Variants in RIT2 observed in about 807,000 individuals in gnomAD.
The protein encoded by RIT2 is Ras like without CAAX 2.
RIT2 carries 24 observed loss-of-function variants against 23.7 expected under a neutral mutation model. That is an observed-to-expected ratio of 1.01 (90% CI 0.73 to 1.43). The LOEUF is 1.43. Among genes scored for constraint, RIT2 ranks in the 40% most tolerant of loss-of-function variants. The pLI is 0.00. For synonymous variants in RIT2, 107 were observed against 91.1 expected, an observed-to-expected ratio of 1.17 and a Z score of -0.99; for missense variants, 236 against 266.9, an observed-to-expected ratio of 0.88 and a Z score of 0.81.
chr18:42,767,224 C>A (rs1913445291), intron 4 of RIT2, among the ~76,000 whole-genome samples: 1 of 152,184 alleles, frequency 6.6e-6, no homozygotes, highest in South Asian at 2.1e-4. Context: ...TCAACACCAG[C>A]CCATGAAAGA....
intron 2 of RIT2, among the ~76,000 whole-genome samples, chr18:42,978,811 A>AGAT (rs1910531074): frequency 6.6e-6 from 1 of 152,156 alleles, no homozygotes; most frequent in Non-Finnish European, 1.5e-5. Context: ...ACCTATATTA[A>AGAT]AGCCTCAAAT....
intron 2 of RIT2, among the ~76,000 whole-genome samples, chr18:43,012,640 A>G: frequency 6.6e-6 from 1 of 151,492 alleles, no homozygotes; most frequent in Non-Finnish European, 1.5e-5. Flanking sequence ...ATCTAAATAT[A>G]TGTATTATAT....
chr18:42,918,384 A>T (rs987863379), intron 4 of RIT2, among the ~76,000 whole-genome samples: 3 of 152,148 alleles, frequency 2.0e-5, no homozygotes, highest in Non-Finnish European at 2.9e-5. Flanking sequence ...TAATTTAATT[A>T]AATAACATAT....
chr18:43,110,128 C>T lies in RIT2; in HGVS notation c.103+5289G>A, dbSNP rs187716580. ...ATGTTATTTTTACCCCAATTTTATG[C>T]GATAATATCTTATTTTGCAAAATAT... On this transcript the variant is annotated intron_variant, in intron 1 of 4. Transcript: ENST00000326695. 3.1e-3 allele frequency among the ~76,000 whole-genome samples: 476 copies of T among 151,792 alleles called. 1 individual carries two copies. Among genetic ancestry groups the T allele is most frequent in the Middle Eastern group, 0.02 (6 of 294 alleles).
In RIT2 at chr18:43,115,628, G is replaced by A; in HGVS notation, c.-109C>T. 6.9e-7 allele frequency: 1 copy of A among 1,445,436 alleles called. No homozygotes were observed. The highest frequency in any genetic ancestry group is 9.1e-7 in the Non-Finnish European group (1 of 1,099,218). 89.5% of individuals were successfully genotyped at this position (1,445,436 alleles called of 1,614,324 possible). On this transcript the variant is annotated 5_prime_UTR_variant, in exon 1 of 5. Coordinates refer to ENST00000326695, the MANE Select transcript of RIT2 (RefSeq NM_002930.4). ...TGTGTCAAAGCAAAGGTTTTAGTAC[G>A]AGGTAAGAACCATCAGCGTCGGGCT... is the stretch of plus-strand genomic sequence containing the variant.
chr18:42,755,601 A>G (rs1405953757), intron 4 of RIT2, among the ~76,000 whole-genome samples: 1 of 152,118 alleles, frequency 6.6e-6, no homozygotes, highest in Non-Finnish European at 1.5e-5. Flanking sequence ...TGTATTTTTC[A>G]TCACCCATCA....
intron 3 of RIT2, among the ~76,000 whole-genome samples, chr18:42,945,188 A>G (rs535092079): frequency 6.6e-6 from 1 of 152,198 alleles, no homozygotes; most frequent in Non-Finnish European, 1.5e-5. Context: ...GATAACTTTA[A>G]TGCTTGTACT....
chr18:43,046,385 A>G (rs1023997236), intron 1 of RIT2, among the ~76,000 whole-genome samples: 1 of 152,226 alleles, frequency 6.6e-6, no homozygotes, highest in African/African-American at 2.4e-5. Flanking sequence ...TGGATTTGTT[A>G]TGGTGACACA....
intron 2 of RIT2, among the ~76,000 whole-genome samples, chr18:43,032,630 C>T (rs1050195284): frequency 3.3e-5 from 5 of 152,066 alleles, no homozygotes; most frequent in Admixed American, 1.3e-4. Flanking sequence ...TAGTTTCTTT[C>T]TCTTTAGAAA....
intron 4 of RIT2, among the ~76,000 whole-genome samples, chr18:42,837,147 C>CTCTTTTTTTTT (rs1906628770): frequency 2.1e-5 from 1 of 48,718 alleles, no homozygotes; most frequent in African/African-American, 5.9e-5. Flanking sequence ...CTTTTTTTTT[C>CTCTTTTTTTTT]TTTTTCTTTT....
intron 1 of RIT2, among the ~76,000 whole-genome samples, chr18:43,087,690 G>A (rs1913318537): frequency 6.6e-6 from 1 of 152,144 alleles, no homozygotes; most frequent in South Asian, 2.1e-4. Flanking sequence ...TCAGGTAAGA[G>A]TCTGAGGGCA....
intron 3 of RIT2, among the ~76,000 whole-genome samples, chr18:42,970,661 A>T (rs1910341009): frequency 6.6e-6 from 1 of 152,020 alleles, no homozygotes; most frequent in South Asian, 2.1e-4. Flanking sequence ...AGAATTTTTG[A>T]TCCTTTATGG....
chr18:43,112,863 C>T (rs1278544454), intron 1 of RIT2, among the ~76,000 whole-genome samples: 37 of 152,178 alleles, frequency 2.4e-4, no homozygotes, highest in Non-Finnish European at 2.9e-5. Flanking sequence ...ACTTGACTCT[C>T]AGAATTGGAA....
chr18:43,034,387 A>G (rs1158260931), intron 1 of RIT2, among the ~76,000 whole-genome samples: 1 of 152,138 alleles, frequency 6.6e-6, no homozygotes, highest in Non-Finnish European at 1.5e-5. Flanking sequence ...TATTTTGCCT[A>G]ATTTATGTTA....
At chr18:42,880,308 C>A (rs1052280157) in intron 4 of RIT2, among the ~76,000 whole-genome samples, 2 of 152,104 alleles carry the variant, frequency 1.3e-5, no homozygotes, top group African/African-American at 4.8e-5. Context: ...TCTCAGTTTT[C>A]TCTACTGCTA....
intron 2 of RIT2, among the ~76,000 whole-genome samples, chr18:43,001,146 CTG>C (rs1443823389): frequency 6.6e-6 from 1 of 151,938 alleles, no homozygotes; most frequent in Non-Finnish European, 1.5e-5. Context: ...TATTGACAAA[CTG>C]TGATATACAC....
chr18:42,856,006 G>A (rs1219355542), intron 4 of RIT2, among the ~76,000 whole-genome samples: 1 of 152,090 alleles, frequency 6.6e-6, no homozygotes, highest in Admixed American at 6.6e-5. Flanking sequence ...AGCCTCAGAA[G>A]TAAAAGTTTT....
intron 1 of RIT2, among the ~76,000 whole-genome samples, chr18:43,096,431 A>G (rs1913555118): frequency 6.6e-6 from 1 of 151,890 alleles, no homozygotes; most frequent in African/African-American, 2.4e-5. Context: ...TGTGTATAAT[A>G]TCACAGAAGA....
chr18:42,933,292 T>A (rs686936), intron 3 of RIT2, among the ~76,000 whole-genome samples: 131,893 of 151,740 alleles, frequency 0.87, 57,790 homozygotes, highest in East Asian at 1. Context: ...GGGAGAAAAA[T>A]GTTTTAAAAT....
Sources: allele counts gnomAD v4.1 joint callset (sites outside exome capture counted in the v4.1 genomes callset), GRCh38; gene constraint gnomAD v4.1.1; transcripts MANE v1.5; gene names NCBI Gene and HGNC (gene_info 2026-07-23, HGNC 2026-07-21).